Variants in RAB9B observed in about 807,000 individuals in gnomAD.
RAB9B encodes RAB9B, member RAS oncogene family.
RAB9B carries 1 observed loss-of-function variant against 8.9 expected under a neutral mutation model. That is an observed-to-expected ratio of 0.11 (90% CI 0.04 to 0.53). RAB9B has a LOEUF of 0.53. RAB9B is among the 20% of genes least tolerant of loss of function. The pLI, the probability that RAB9B is intolerant of heterozygous loss-of-function variation, is 0.93. For synonymous variants in RAB9B, 63 were observed against 57.0 expected (o/e 1.10, Z -0.47); for missense variants, 82 against 152.9 (o/e 0.54, Z 2.45).
chrX:103,802,093 C>T, the RAB9B span, among the ~76,000 whole-genome samples: 6 of 109,667 alleles, frequency 5.5e-5, no homozygotes, highest in Admixed American at 9.8e-5. Flanking sequence ...GGATAACTTA[C>T]GAAGATACCA....
chrX:103,784,536 G>A, the RAB9B span, among the ~76,000 whole-genome samples: 1 of 111,760 alleles, frequency 8.9e-6, no homozygotes, highest in Admixed American at 9.5e-5. Flanking sequence ...TGTTTGGACT[G>A]CTCCTCCCAT....
the RAB9B span, among the ~76,000 whole-genome samples, chrX:103,798,277 T>C: frequency 3.6e-5 from 4 of 112,338 alleles, no homozygotes; most frequent in African/African-American, 1.3e-4. Flanking sequence ...GAAGTAATAT[T>C]TTAAAATATG....
the RAB9B span, among the ~76,000 whole-genome samples, chrX:103,780,435 C>CTGTGTGTG: frequency 0.12 from 8,153 of 68,155 alleles, 317 homozygotes; most frequent in Non-Finnish European, 0.17. Flanking sequence ...CATTCTGTCT[C>CTGTGTGTG]TCTCTGTGTG....
chrX:103,785,454 G>C, the RAB9B span: 1 of 560,169 alleles, frequency 1.8e-6, no homozygotes, highest in African/African-American at 2.3e-5. Context: ...ACCTCTAGCC[G>C]CTCCTGCTTT....
At chrX:103,780,780 G>C in the RAB9B span, 1 of 112,699 alleles carries the variant, frequency 8.9e-6, no homozygotes, top group East Asian at 2.8e-4. Context: ...GGCACCTCTT[G>C]ATAATTGTTG....
the RAB9B span, chrX:103,789,371 G>T: frequency 2.5e-6 from 3 of 1,207,530 alleles, no homozygotes; most frequent in African/African-American, 3.5e-5. Context: ...CTGCATTTGT[G>T]GGGGCTGCAG....
chrX:103,785,106 G>A, the RAB9B span, among the ~76,000 whole-genome samples: 5 of 107,989 alleles, frequency 4.6e-5, no homozygotes, highest in African/African-American at 6.8e-5. Context: ...ACAGAGTCTC[G>A]CTCTTACTGC....
chrX:103,787,950 T>C, the RAB9B span: 4 of 1,209,428 alleles, frequency 3.3e-6, no homozygotes, highest in Non-Finnish European at 4.5e-6. Flanking sequence ...GTCTCTGTGC[T>C]GATGCCAGAA....
chrX:103,829,510 C>CCAT (rs1267259650), intron 1 of RAB9B, among the ~76,000 whole-genome samples: 2 of 112,170 alleles, frequency 1.8e-5, no homozygotes, highest in Non-Finnish European at 3.8e-5. Context: ...TCCTGTGCTA[C>CCAT]CATCCTCATT....
At chrX:103,831,818 G>A (rs777125546) in intron 1 of RAB9B, among the ~76,000 whole-genome samples, 2 of 110,569 alleles carry the variant, frequency 1.8e-5, no homozygotes, top group African/African-American at 6.6e-5. Flanking sequence ...TCCCCACGGA[G>A]CCCTGCGCCT....
At chrX:103,797,058 A>G in the RAB9B span, among the ~76,000 whole-genome samples, 6 of 100,268 alleles carry the variant, frequency 6.0e-5, no homozygotes, top group African/African-American at 2.1e-4. Flanking sequence ...AAATTATTAA[A>G]AATAAAAAGG....
chrX:103,799,851 C>G, the RAB9B span, among the ~76,000 whole-genome samples: 1 of 111,527 alleles, frequency 9.0e-6, no homozygotes, highest in Non-Finnish European at 1.9e-5. Flanking sequence ...ATCATTCATT[C>G]ATTTTACTGA....
At chrX:103,828,941 T>A (rs899749091) in intron 1 of RAB9B, among the ~76,000 whole-genome samples, 1 of 112,205 alleles carries the variant, frequency 8.9e-6, no homozygotes, top group Non-Finnish European at 1.9e-5. Flanking sequence ...CTTGGGCAGG[T>A]CATTTAATCT....
chrX:103,827,786 C>G (rs1345725668), intron 1 of RAB9B, among the ~76,000 whole-genome samples: 1 of 111,223 alleles, frequency 9.0e-6, no homozygotes, highest in Non-Finnish European at 1.9e-5. Context: ...CCCACCTCAG[C>G]CTTCTGAGTA....
the RAB9B span, among the ~76,000 whole-genome samples, chrX:103,811,672 G>C: frequency 9.2e-6 from 1 of 108,692 alleles, no homozygotes; most frequent in Non-Finnish European, 1.9e-5. Flanking sequence ...AATTACCTTA[G>C]GACAAAGAGC....
chrX:103,800,297 C>T, the RAB9B span, among the ~76,000 whole-genome samples: 1 of 106,761 alleles, frequency 9.4e-6, no homozygotes, highest in African/African-American at 3.4e-5. Context: ...TATTATGATT[C>T]CTGATGTGTT....
Position 103,825,566 on chromosome X carries a change from C to T in RAB9B, c.219G>A (p.Arg73=). Residue 73 remains arginine, a synonymous_variant, in exon 3 of 3, where the codon AGG becomes AGA. Coordinates refer to ENST00000243298, the MANE Select transcript of RAB9B (RefSeq NM_016370.4). ...AGTCTGCTCCCCTGTAGAAGGGTGT[C>T]CTAAGGCTCTTGAAACGTTCCTGCC... ...TAGQERFKSL[R]TPFYRGADCC... 8.3e-7 allele frequency: 1 copy of T among 1,211,919 alleles called. No individual in the cohort carries two copies. The highest frequency in any genetic ancestry group is 3.0e-5 in the East Asian group (1 of 33,855).
the RAB9B span, among the ~76,000 whole-genome samples, chrX:103,783,216 G>A: frequency 8.9e-6 from 1 of 112,020 alleles, no homozygotes; most frequent in Non-Finnish European, 1.9e-5. Context: ...GTGCACATTT[G>A]TACACATGCA....
chrX:103,815,720 G>T, the RAB9B span, among the ~76,000 whole-genome samples: 1 of 112,158 alleles, frequency 8.9e-6, no homozygotes, highest in Non-Finnish European at 1.9e-5. Context: ...AAGCTGATGA[G>T]CAACTTCAGC....
Sources: gnomAD v4.1 joint callset for allele counts (sites outside exome capture counted in the v4.1 genomes callset) on GRCh38, gnomAD v4.1.1 for gene constraint, MANE v1.5 for transcripts, NCBI Gene and HGNC (gene_info 2026-07-23, HGNC 2026-07-21) for gene names.